Variants in PCDHGB4 observed in about 807,000 individuals in gnomAD.
PCDHGB4 encodes the protein protocadherin gamma subfamily B, 4, also known as protocadherin gamma-B4.
PCDHGB4 carries 38 observed loss-of-function variants against 60.5 expected under a neutral mutation model. The observed-to-expected ratio is 0.63, with a 90% CI of 0.48 to 0.82. The LOEUF is 0.82. Ranked by LOEUF, PCDHGB4 falls within the 40% of genes least tolerant of loss-of-function variation. The probability of loss-of-function intolerance (pLI) is 0.00; values close to 1 mark genes in which losing one functional copy is unlikely to be tolerated. For synonymous variants in PCDHGB4, 456 were observed against 509.7 expected, an observed-to-expected ratio of 0.89 and a Z score of 1.42; for missense variants, 1,109 against 1,209.6, an observed-to-expected ratio of 0.92 and a Z score of 1.23.
In PCDHGB4 at chr5:141,441,656, CT is replaced by C. The variant is rs200391207; in HGVS notation, c.2397+51377del. 8.0e-3 allele frequency: 1,976 copies of C among 247,682 alleles called. 54 individuals carry two copies. The highest frequency in any genetic ancestry group is 0.043 in the African/African-American group (1,846 of 42,486). The allele number at this position is 247,682 out of a possible 1,614,324, so 15.3% of individuals were successfully genotyped here. A position where few individuals can be genotyped will look rare whatever the true frequency, so the allele number is the denominator to read the frequency against. On this transcript the variant is annotated intron_variant, in intron 1 of 3. Coordinates refer to ENST00000519479, the MANE Select transcript of PCDHGB4 (RefSeq NM_003736.4). ...CACAGGCGCTGTGATTCTAGGTGTC[CT>C]TGAGCGCACAGTGCGCCTTCGACCA...
At chr5:141,408,856 G>T in intron 1 of PCDHGB4, 1 of 1,613,518 alleles carries the variant, frequency 6.2e-7, no homozygotes, top group Non-Finnish European at 8.5e-7. Flanking sequence ...TGGACGGAGG[G>T]GACCCACCAA....
intron 1 of PCDHGB4, among the ~76,000 whole-genome samples, chr5:141,464,966 T>C (rs192224238): frequency 1.2e-3 from 178 of 152,274 alleles, no homozygotes; most frequent in Middle Eastern, 3.4e-3. Flanking sequence ...TGTCTTGAAC[T>C]ACTGGCTTCA....
At chr5:141,415,793 T>C in intron 1 of PCDHGB4, 1 of 1,373,160 alleles carries the variant, frequency 7.3e-7, no homozygotes, top group Non-Finnish European at 9.4e-7. Context: ...AAAATTCACC[T>C]AGTCTCAATC....
At chr5:141,433,150 G>C (rs1466566074) in intron 1 of PCDHGB4, 5 of 1,613,936 alleles carry the variant, frequency 3.1e-6, no homozygotes, top group Middle Eastern at 1.6e-4. Flanking sequence ...CAGGTGATTC[G>C]GTATTTTCTA....
chr5:141,502,250 TA>T (rs2099813542), intron 2 of PCDHGB4, among the ~76,000 whole-genome samples: 1 of 152,242 alleles, frequency 6.6e-6, no homozygotes, highest in African/African-American at 2.4e-5. Flanking sequence ...TCCTTTTTTT[TA>T]ATCCAGGATT....
At chr5:141,455,225 C>CA (rs2098817003) in intron 1 of PCDHGB4, among the ~76,000 whole-genome samples, 2 of 151,666 alleles carry the variant, frequency 1.3e-5, no homozygotes, top group South Asian at 2.1e-4. Context: ...AATGCTTTGA[C>CA]AAAAAATGTT....
intron 1 of PCDHGB4, among the ~76,000 whole-genome samples, chr5:141,435,225 A>G (rs919735003): frequency 5.9e-5 from 9 of 152,188 alleles, no homozygotes; most frequent in Non-Finnish European, 1.2e-4. Context: ...CTTTCTTTCA[A>G]AGTTCAGTAA....
intron 1 of PCDHGB4, among the ~76,000 whole-genome samples, chr5:141,480,672 T>A (rs1053078255): frequency 2.0e-5 from 3 of 152,166 alleles, no homozygotes; most frequent in African/African-American, 7.2e-5. Context: ...CCTAGAGACC[T>A]TTTAAAAATT....
Position 141,485,486 on chromosome 5 carries a change from C to A in PCDHGB4, c.2398-9321C>A. On this transcript the variant is annotated intron_variant, in intron 1 of 3. Transcript: ENST00000519479. This position sits in a 1 kb window ranked among gnomAD's most constrained non-coding sequence, Gnocchi z 5.7. Reference sequence around the variant, plus strand: ...TGGGCTCAGTGCCAGCTGCATCGTGCCCCTGGAGTTTGTCACCGAAGGTCC... The same window carrying A: ...TGGGCTCAGTGCCAGCTGCATCGTGACCCTGGAGTTTGTCACCGAAGGTCC... 6.2e-7 allele frequency: 1 copy of A among 1,614,104 alleles called. No individual in the cohort carries two copies.
At chr5:141,466,983 C>A (rs2099133398) in intron 1 of PCDHGB4, among the ~76,000 whole-genome samples, 1 of 151,884 alleles carries the variant, frequency 6.6e-6, no homozygotes, top group African/African-American at 2.4e-5. Context: ...TCATCATTTA[C>A]CTTTTGGCAT....
Position 141,511,229 on chromosome 5 carries a change from T to G in PCDHGB4, c.*56T>G. 6.3e-7 allele frequency: 1 copy of G among 1,598,500 alleles called. No homozygotes were observed. Among genetic ancestry groups the G allele is most frequent in the Non-Finnish European group, 8.5e-7 (1 of 1,172,476 alleles). On this transcript the variant is annotated 3_prime_UTR_variant, in exon 4 of 4. Transcript: ENST00000519479. ...GCCTCTCCCCAACCAGCCCAGCTTC[T>G]CCTTACCTGCACCCAGGCCTCAGAG...
intron 2 of PCDHGB4, among the ~76,000 whole-genome samples, chr5:141,501,728 C>A (rs1284130771): frequency 1.3e-5 from 2 of 152,134 alleles, no homozygotes; most frequent in East Asian, 1.9e-4. Flanking sequence ...ATATATTACC[C>A]AGTCAGCTTA....
At position 141,421,727 on chromosome 5, in the gene PCDHGB4, C is replaced by T. The variant is rs779718690; in HGVS notation, c.2397+31446C>T. The T allele has an allele frequency of 4.3e-6, 7 of 1,613,798 alleles. No individual in the cohort carries two copies. In the African/African-American group the frequency reaches 9.3e-5, roughly 22 times the overall value. ...AGGGATCCAGATGTGGGCGTGAACT[C>T]CCTCCAGAGCTACCAGCTCAGCCCT... On this transcript the variant is annotated intron_variant, in intron 1 of 3. Coordinates refer to ENST00000519479, the MANE Select transcript of PCDHGB4 (RefSeq NM_003736.4).
At chr5:141,399,641 C>G in intron 1 of PCDHGB4, 1 of 1,613,852 alleles carries the variant, frequency 6.2e-7, no homozygotes, top group Non-Finnish European at 8.5e-7. Context: ...TCCATGAGCG[C>G]GCAAAGTGGG....
intron 1 of PCDHGB4, chr5:141,400,414 C>G: frequency 6.2e-7 from 1 of 1,614,058 alleles, no homozygotes; most frequent in African/African-American, 1.3e-5. Flanking sequence ...GTTTAATTTC[C>G]TAAAATGTAG....
intron 1 of PCDHGB4, chr5:141,409,553 G>T: frequency 6.2e-7 from 1 of 1,613,972 alleles, no homozygotes; most frequent in Non-Finnish European, 8.5e-7. Context: ...CAACGCCCCA[G>T]TTTTCGACCA....
intron 1 of PCDHGB4, chr5:141,399,774 C>A (rs758550367): frequency 1.2e-6 from 2 of 1,613,116 alleles, no homozygotes; most frequent in South Asian, 2.2e-5. Flanking sequence ...TGTTGGTGGG[C>A]GACCGAAACG....
At chr5:141,424,700 T>C (rs1359856009) in intron 1 of PCDHGB4, 3 of 152,228 alleles carry the variant, frequency 2.0e-5, no homozygotes, top group African/African-American at 7.2e-5. Context: ...TATTTTTTTG[T>C]TCATTTTCAG....
chr5:141,413,760 C>G (rs778067298), intron 1 of PCDHGB4: 2 of 1,613,250 alleles, frequency 1.2e-6, no homozygotes, highest in African/African-American at 2.7e-5. Context: ...GCGTCAAGTA[C>G]CCGGAGCTGG....
Sources: gnomAD v4.1 joint callset for allele counts (sites outside exome capture counted in the v4.1 genomes callset) on GRCh38, gnomAD v4.1.1 for gene constraint, Gnocchi (gnomAD v3.1) non-coding constraint, MANE v1.5 for transcripts, NCBI Gene and HGNC (gene_info 2026-07-23, HGNC 2026-07-21) for gene names.